Variants in PPEF2 observed in about 807,000 individuals in gnomAD.
PPEF2 encodes the protein serine/threonine-protein phosphatase with EF-hands 2.
Under a neutral mutation model 84.7 loss-of-function variants are expected in PPEF2, and 84 were observed. That is an observed-to-expected ratio of 0.99 (90% CI 0.83 to 1.19). The LOEUF is 1.19. Ranked by LOEUF, PPEF2 falls within the 50% of genes most tolerant of loss-of-function variation. PPEF2 has a pLI of 0.00. For synonymous variants in PPEF2, 346 were observed against 345.2 expected, an observed-to-expected ratio of 1.00 and a Z score of -0.03; for missense variants, 924 against 937.5, an observed-to-expected ratio of 0.99 and a Z score of 0.19.
intron 8 of PPEF2, chr4:75,883,455 T>C: frequency 2.0e-6 from 1 of 511,584 alleles, no homozygotes. Context: ...ATTATTTATA[T>C]GATAGAGTAT....
intron 1 of PPEF2, among the ~76,000 whole-genome samples, chr4:75,901,245 G>A (rs1012846750): frequency 5.9e-5 from 9 of 152,194 alleles, no homozygotes; most frequent in South Asian, 2.1e-4. Flanking sequence ...GCTGGGTGCC[G>A]TGGCTCATGC....
At chr4:75,886,248 G>A (rs1724719704) in intron 7 of PPEF2, among the ~76,000 whole-genome samples, 1 of 152,156 alleles carries the variant, frequency 6.6e-6, no homozygotes, top group Admixed American at 6.5e-5. Context: ...AGTTGGCCTC[G>A]GATAGCCAGT....
chr4:75,868,159 A>AAG (rs1724178558), intron 13 of PPEF2, among the ~76,000 whole-genome samples: 1 of 149,312 alleles, frequency 6.7e-6, no homozygotes, highest in South Asian at 2.2e-4. Flanking sequence ...CAAAGTACAA[A>AAG]AAAAAAATTA....
intron 4 of PPEF2, among the ~76,000 whole-genome samples, chr4:75,890,488 CA>C (rs10710879): frequency 0.71 from 88,284 of 124,288 alleles, 32,032 homozygotes; most frequent in East Asian, 0.98. Context: ...GACCCTGTCT[CA>C]AAAAAAAAAA....
chr4:75,862,085 G>A (rs1724018416), intron 16 of PPEF2, among the ~76,000 whole-genome samples: 1 of 151,502 alleles, frequency 6.6e-6, no homozygotes, highest in Non-Finnish European at 1.5e-5. Context: ...ACAAGGTCAG[G>A]AGTTTAAGAC....
chr4:75,873,305 T>C lies in PPEF2; in HGVS notation c.1328A>G (p.Asp443Gly), dbSNP rs536624297. Residue 443 changes from aspartate (D) to glycine (G), a missense_variant, in exon 12 of 17, where the codon GAT (aspartate) becomes GGT (glycine). Asp to Gly is a moderately conservative substitution (Grantham distance 94). Transcript: ENST00000286719. Reference protein sequence around the residue: ...PTQEEWRQVVDILWSDPMAQE... With the variant: ...PTQEEWRQVVGILWSDPMAQE... Reference sequence around the variant, plus strand: ...AGCCATGGGATCACTCCACAGGATATCTACAACCTGAGAAGACCAAGAGAT... The same window carrying C: ...AGCCATGGGATCACTCCACAGGATACCTACAACCTGAGAAGACCAAGAGAT... The C allele has an allele frequency of 4.3e-6, 7 of 1,611,000 alleles. No homozygotes were observed. In the South Asian group the frequency reaches 6.6e-5, roughly 15 times the overall value.
intron 1 of PPEF2, among the ~76,000 whole-genome samples, chr4:75,897,242 T>C (rs1174972178): frequency 6.6e-6 from 1 of 152,220 alleles, no homozygotes; most frequent in Non-Finnish European, 1.5e-5. Context: ...ACTTACTGTC[T>C]CTGCTTCTTG....
intron 2 of PPEF2, among the ~76,000 whole-genome samples, chr4:75,892,860 C>G (rs751268241): frequency 2.6e-5 from 4 of 152,196 alleles, no homozygotes; most frequent in Non-Finnish European, 5.9e-5. Flanking sequence ...GGCTTAGATA[C>G]ACTGCTGGTG....
rs745538577 is a variant in PPEF2 at position 75,890,021 on chromosome 4, C to G, written c.353G>C (p.Arg118Pro). 1 of 1,614,064 alleles carries G rather than the reference C, an allele frequency of 6.2e-7. No homozygotes were observed. The change falls in exon 5 of 17, where the codon CGC becomes CCC. Residue 118 changes from arginine to proline, a missense_variant. Transcript: ENST00000286719. ...IEVPDSYTGP[R>P]LSFPLLPDHA... ...GTCAGGCAGGAGTGGGAAGGAGAGG[C>G]GTGGCCCCGTGTAACTGTCGGGTAC...
At chr4:75,871,949 C>G in intron 13 of PPEF2, 76 bp downstream of exon 13, 1 of 1,414,578 alleles carries the variant, frequency 7.1e-7, no homozygotes, top group Non-Finnish European at 9.6e-7. Context: ...ATAAATATAA[C>G]GTTTGACACT....
chr4:75,865,694 C>T (rs1208936278), intron 15 of PPEF2, among the ~76,000 whole-genome samples: 1 of 152,142 alleles, frequency 6.6e-6, no homozygotes, highest in African/African-American at 2.4e-5. Context: ...CTGAATTATA[C>T]ACTTTAAATG....
intron 13 of PPEF2, 95 bp from the exon 14 acceptor site, chr4:75,867,514 A>G (rs1006489746): frequency 9.8e-6 from 9 of 920,486 alleles, no homozygotes; most frequent in Non-Finnish European, 1.5e-5. Flanking sequence ...TTCTTAACAT[A>G]TCAGTCTCCC....
chr4:75,882,021 A>G (rs531183568), intron 10 of PPEF2: 1 of 152,322 alleles, frequency 6.6e-6, no homozygotes, highest in South Asian at 2.1e-4. Context: ...AGTTAAGTGT[A>G]AGAAAATAGA....
intron 5 of PPEF2, among the ~76,000 whole-genome samples, chr4:75,888,870 C>T (rs1359226521): frequency 6.6e-6 from 1 of 152,194 alleles, no homozygotes; most frequent in Non-Finnish European, 1.5e-5. Context: ...TACTTTGGCC[C>T]TTGCCGCCTA....
At chr4:75,876,758 A>G in intron 10 of PPEF2, 85 bp from the exon 11 acceptor site, 1 of 1,414,548 alleles carries the variant, frequency 7.1e-7, no homozygotes, top group Non-Finnish European at 9.4e-7. Flanking sequence ...GTAATCCTAG[A>G]ACTTTGGGAG....
chr4:75,881,714 C>T (rs1287654767), intron 10 of PPEF2: 2 of 152,328 alleles, frequency 1.3e-5, no homozygotes, highest in East Asian at 3.9e-4. Context: ...CTAGAAACCA[C>T]ACATTAGGGG....
rs987760850 is a variant in PPEF2, at chr4:75,866,309, C to T, written c.1800G>A (p.Val600=). The change falls in exon 15 of 17, where the codon GTG becomes GTA. Residue 600 remains valine (V), a synonymous_variant. Transcript: ENST00000286719. The part of the protein sequence containing the change: ...LSDWAAAVES[V]LHLGLPWRML... Reference sequence around the variant, plus strand: ...TCCGCCATGGCAGTCCTAGGTGCAACACAGACTCCACCGCTGCTGCCCAGT... The same window carrying T: ...TCCGCCATGGCAGTCCTAGGTGCAATACAGACTCCACCGCTGCTGCCCAGT... 1 of 1,614,120 alleles carries T rather than the reference C, an allele frequency of 6.2e-7. No homozygotes were observed. The highest frequency in any genetic ancestry group is 1.3e-5 in the African/African-American group (1 of 75,054).
At position 75,880,818 on chromosome 4, in the gene PPEF2, T is replaced by TTTTTTTG. The variant is rs34174332; in HGVS notation, c.933+2107_933+2108insCAAAAAA. ...CCCTATAAATACTTTTTTTTTTTTT[T>TTTTTTTG]GAGACAGAGTCTCACTCTGTCGCCA... On this transcript the variant is annotated intron_variant, in intron 10 of 16. Coordinates refer to ENST00000286719, the MANE Select transcript of PPEF2 (RefSeq NM_006239.3). 3.7e-5 allele frequency among the ~76,000 whole-genome samples: 5 copies of TTTTTTTG among 134,086 alleles called. 1 individual carries two copies. The highest frequency in any genetic ancestry group is 2.3e-4 in the South Asian group (1 of 4,280). The allele number at this position is 134,086 out of a possible 152,430, so 88.0% of individuals were successfully genotyped here.
intron 8 of PPEF2, among the ~76,000 whole-genome samples, chr4:75,884,088 G>T (rs938985851): frequency 7.2e-5 from 11 of 152,136 alleles, no homozygotes; most frequent in African/African-American, 2.7e-4. Flanking sequence ...TGCCAAGATT[G>T]TGCCATTGCA....
Sources: gnomAD v4.1 joint callset for allele counts (sites outside exome capture counted in the v4.1 genomes callset) on GRCh38, gnomAD v4.1.1 for gene constraint, MANE v1.5 for transcripts, NCBI Gene and HGNC (gene_info 2026-07-23, HGNC 2026-07-21) for gene names.